Variants in HYAL4 observed in about 807,000 individuals in gnomAD.
HYAL4 encodes the protein hyaluronidase-4.
Under a neutral mutation model 35.2 loss-of-function variants are expected in HYAL4, and 37 were observed. The observed-to-expected ratio is 1.05, with a 90% confidence interval of 0.81 to 1.38. HYAL4 has a LOEUF of 1.38. Among genes scored for constraint, HYAL4 ranks in the 40% most tolerant of loss-of-function variants. The pLI is 0.00. For missense variants in HYAL4, 572 were observed against 572.4 expected (o/e 1.00, Z 0.01); for synonymous variants, 198 against 203.2 (o/e 0.97, Z 0.22).
chr7:123,773,313 AAG>A, the HYAL4 span, among the ~76,000 whole-genome samples: 2 of 152,206 alleles, frequency 1.3e-5, no homozygotes, highest in African/African-American at 4.8e-5. Flanking sequence ...CATTTTAAAA[AAG>A]TAAATATTTA....
At chr7:123,822,225 T>A in the HYAL4 span, among the ~76,000 whole-genome samples, 1 of 152,152 alleles carries the variant, frequency 6.6e-6, no homozygotes, top group African/African-American at 2.4e-5. Flanking sequence ...AGCCTGCAGA[T>A]CACTTTGGAT....
chr7:123,799,477 A>C, the HYAL4 span, among the ~76,000 whole-genome samples: 1 of 150,866 alleles, frequency 6.6e-6, no homozygotes, highest in Non-Finnish European at 1.5e-5. Flanking sequence ...TTATAATTTC[A>C]AAATAAAATT....
chr7:123,835,937 C>T (rs969326728), intron 1 of HYAL4, among the ~76,000 whole-genome samples: 1 of 152,086 alleles, frequency 6.6e-6, no homozygotes, highest in East Asian at 1.9e-4. Flanking sequence ...TGCTCTGAGA[C>T]ACTACTTGAT....
At chr7:123,790,915 C>G in the HYAL4 span, among the ~76,000 whole-genome samples, 1 of 151,970 alleles carries the variant, frequency 6.6e-6, no homozygotes, top group African/African-American at 2.4e-5. Flanking sequence ...CAGGCACCCA[C>G]CACCACACTC....
At chr7:123,804,044 C>T in the HYAL4 span, among the ~76,000 whole-genome samples, 1 of 152,130 alleles carries the variant, frequency 6.6e-6, no homozygotes, top group African/African-American at 2.4e-5. Flanking sequence ...TTGTCTTATC[C>T]TTATACTAGA....
At chr7:123,789,952 TCA>T in the HYAL4 span, among the ~76,000 whole-genome samples, 1 of 152,032 alleles carries the variant, frequency 6.6e-6, no homozygotes, top group African/African-American at 2.4e-5. Flanking sequence ...AGGAATTGAA[TCA>T]CACAATTATG....
At chr7:123,771,945 G>T in the HYAL4 span, among the ~76,000 whole-genome samples, 1 of 151,998 alleles carries the variant, frequency 6.6e-6, no homozygotes, top group African/African-American at 2.4e-5. Context: ...AAAGGGAAGA[G>T]AAATTAACCA....
the HYAL4 span, among the ~76,000 whole-genome samples, chr7:123,806,773 A>G: frequency 6.6e-6 from 1 of 151,302 alleles, no homozygotes; most frequent in Non-Finnish European, 1.5e-5. Context: ...TTTCTCTCGT[A>G]CTCCTTCTGT....
chr7:123,790,017 A>G, the HYAL4 span, among the ~76,000 whole-genome samples: 1 of 152,146 alleles, frequency 6.6e-6, no homozygotes, highest in Admixed American at 6.6e-5. Context: ...AAATTCTGGC[A>G]GGTGTTTATC....
the HYAL4 span, among the ~76,000 whole-genome samples, chr7:123,765,521 T>G: frequency 9.9e-5 from 15 of 152,170 alleles, no homozygotes; most frequent in Admixed American, 8.5e-4. Context: ...CTGACCTTAA[T>G]TCCCTTCTTA....
chr7:123,861,982 A>T (rs1466467421), intron 2 of HYAL4, among the ~76,000 whole-genome samples: 1 of 152,154 alleles, frequency 6.6e-6, no homozygotes, highest in East Asian at 1.9e-4. Flanking sequence ...ACATTAAAAT[A>T]TTTTGCTTTT....
the HYAL4 span, among the ~76,000 whole-genome samples, chr7:123,809,921 G>C: frequency 6.6e-6 from 1 of 152,168 alleles, no homozygotes; most frequent in Non-Finnish European, 1.5e-5. Context: ...AAACTGAAGA[G>C]CAGACTAAAC....
intron 1 of HYAL4, among the ~76,000 whole-genome samples, chr7:123,829,992 G>A (rs1430078511): frequency 6.6e-6 from 1 of 152,176 alleles, no homozygotes; most frequent in Non-Finnish European, 1.5e-5. Context: ...TGTCTTGAAG[G>A]CAGGAGCAGG....
At chr7:123,835,796 A>C (rs1458451969) in intron 1 of HYAL4, among the ~76,000 whole-genome samples, 1 of 152,166 alleles carries the variant, frequency 6.6e-6, no homozygotes, top group Non-Finnish European at 1.5e-5. Context: ...CATTCGGTTC[A>C]AAAATTTTTT....
chr7:123,871,338 T>C (rs1806878344), intron 3 of HYAL4, among the ~76,000 whole-genome samples: 1 of 151,968 alleles, frequency 6.6e-6, no homozygotes, highest in South Asian at 2.1e-4. Flanking sequence ...TTACACTGCA[T>C]GCGCCGCCAT....
chr7:123,769,052 A>G, the HYAL4 span, among the ~76,000 whole-genome samples: 1 of 152,362 alleles, frequency 6.6e-6, no homozygotes, highest in East Asian at 1.9e-4. Context: ...GAATCTACCA[A>G]TACTGAAGTA....
At chr7:123,851,411 A>G (rs902214478) in intron 2 of HYAL4, among the ~76,000 whole-genome samples, 1 of 151,916 alleles carries the variant, frequency 6.6e-6, no homozygotes, top group African/African-American at 2.4e-5. Context: ...GCCCCCTGAC[A>G]GCCCGTGTGT....
chr7:123,823,424 C>T, the HYAL4 span, among the ~76,000 whole-genome samples: 2 of 151,984 alleles, frequency 1.3e-5, no homozygotes, highest in African/African-American at 2.4e-5. Context: ...TTTCTTACAG[C>T]ATCTTTGCCT....
the HYAL4 span, chr7:123,814,132 T>TA: frequency 4.6e-5 from 7 of 152,450 alleles, no homozygotes; most frequent in African/African-American, 7.2e-5. Context: ...GCTGAAAACC[T>TA]CAAGCCATGT....
Sources: gnomAD v4.1 joint callset for allele counts (sites outside exome capture counted in the v4.1 genomes callset) on GRCh38, gnomAD v4.1.1 for gene constraint, MANE v1.5 for transcripts, NCBI Gene and HGNC (gene_info 2026-07-23, HGNC 2026-07-21) for gene names.